The following GRID2IP variants were observed in gnomAD, a reference collection of about 807,000 sequenced individuals.
GRID2IP encodes the protein delphilin.
A neutral mutation model predicts 114.3 loss-of-function variants in GRID2IP; 78 were observed. The observed-to-expected ratio is 0.68, with a 90% CI of 0.57 to 0.82. The LOEUF (loss-of-function observed/expected upper bound fraction) is 0.82. Ranked by LOEUF, GRID2IP falls within the 40% of genes least tolerant of loss-of-function variation. The pLI is 0.00. For missense variants in GRID2IP, 1,727 were observed against 1,678.5 expected (o/e 1.03, Z -0.51); for synonymous variants, 809 against 724.0 (o/e 1.12, Z -1.89).
chr7:6,539,097 A>G (rs1002163698), intron 2 of GRID2IP, among the ~76,000 whole-genome samples: 28 of 151,038 alleles, frequency 1.9e-4, no homozygotes, highest in African/African-American at 6.6e-4. Flanking sequence ...GATTTTTACA[A>G]TCTAGGTTTT....
At position 6,509,530 on chromosome 7, in the gene GRID2IP, AG is replaced by A. The variant is rs1583337075; in HGVS notation, c.1772-218del. 2.0e-5 allele frequency among the ~76,000 whole-genome samples: 3 copies of A among 152,292 alleles called. No individual in the cohort carries two copies. The East Asian group carries it at 5.8e-4, about 29-fold the overall frequency. On this transcript the variant is annotated intron_variant, in intron 11 of 21. Coordinates refer to ENST00000457091, the MANE Select transcript of GRID2IP (RefSeq NM_001145118.2). This position sits in a 1 kb window ranked among gnomAD's most constrained non-coding sequence, Gnocchi z 4.9. ...CAGGAGCACTGCTCGGCCTCAGGAC[AG>A]GCTGGACGCCAGCTCACCTTGGAAT...
At chr7:6,527,049 C>T (rs1779528480) in intron 2 of GRID2IP, among the ~76,000 whole-genome samples, 1 of 152,052 alleles carries the variant, frequency 6.6e-6, no homozygotes, top group African/African-American at 2.4e-5. Flanking sequence ...CTGCAGGGCC[C>T]GAGCCCCTCA....
In GRID2IP at chr7:6,507,638, A is replaced by G. The variant is rs764510737; in HGVS notation, c.2544+347T>C. 4.0e-4 allele frequency among the ~76,000 whole-genome samples: 61 copies of G among 152,240 alleles called. No homozygotes were observed. Among genetic ancestry groups the G allele is most frequent in the South Asian group, 6.2e-4 (3 of 4,832 alleles). ...GTGTTGTGAGGGAGGAACTTCAAGC[A>G]TCAAAGTGAAAGGGTGAAGGCTGGT... On this transcript the variant is annotated intron_variant, in intron 13 of 21. Transcript: ENST00000457091. This position sits in a 1 kb window ranked among gnomAD's most constrained non-coding sequence, Gnocchi z 5.3.
chr7:6,529,863 C>G (rs1779583418), intron 2 of GRID2IP, among the ~76,000 whole-genome samples: 2 of 152,130 alleles, frequency 1.3e-5, no homozygotes, highest in South Asian at 4.1e-4. Context: ...GTTCTGTTCT[C>G]TCTGCCAGAG....
intron 1 of GRID2IP, among the ~76,000 whole-genome samples, chr7:6,540,412 A>G (rs1462056917): frequency 6.6e-6 from 1 of 151,974 alleles, no homozygotes. Flanking sequence ...GCGGCCGGCC[A>G]TATCATGCCA....
At chr7:6,522,417 C>T (rs1036433535) in intron 4 of GRID2IP, among the ~76,000 whole-genome samples, 1 of 152,068 alleles carries the variant, frequency 6.6e-6, no homozygotes, top group Non-Finnish European at 1.5e-5. Context: ...AGTCCCTGCT[C>T]CATACACTGT....
intron 2 of GRID2IP, among the ~76,000 whole-genome samples, chr7:6,535,468 C>A (rs1198331792): frequency 1.3e-5 from 2 of 152,216 alleles, no homozygotes; most frequent in Admixed American, 6.5e-5. Flanking sequence ...GAGGCCACAC[C>A]TCTCTGATTT....
chr7:6,529,957 C>T (rs1779585943), intron 2 of GRID2IP, among the ~76,000 whole-genome samples: 1 of 93,968 alleles, frequency 1.1e-5, no homozygotes, highest in Admixed American at 1.1e-4. Flanking sequence ...CTCTCTCTCT[C>T]TCTCTTTTTT....
chr7:6,531,447 C>A (rs1270252065), intron 2 of GRID2IP, among the ~76,000 whole-genome samples: 1 of 152,250 alleles, frequency 6.6e-6, no homozygotes, highest in Non-Finnish European at 1.5e-5. Context: ...CGGACCCCCA[C>A]ACAGTGGCGA....
At chr7:6,513,451 C>G (rs2115061292) in intron 8 of GRID2IP, among the ~76,000 whole-genome samples, 1 of 151,430 alleles carries the variant, frequency 6.6e-6, no homozygotes, top group African/African-American at 2.4e-5. Context: ...AGCTCCTGAG[C>G]TCAAGTGATG....
In GRID2IP at chr7:6,514,424, C is replaced by A; in HGVS notation, c.1374G>T (p.Glu458Asp). ...AGCATGCGATTTTCTCCTGACAGAG[C>A]TCCTGCTCCTCATAGGTCAGCAGCT... is the stretch of plus-strand genomic sequence containing the variant. ...IYQLLTYEEQ[E>D]LCQEKIACFL... Residue 458 changes from glutamate to aspartate, a missense_variant, in exon 8 of 22, where the codon GAG becomes GAT. Glu to Asp is a conservative substitution (Grantham distance 45). Transcript: ENST00000457091. 6.5e-7 allele frequency: 1 copy of A among 1,548,538 alleles called. No individual in the cohort carries two copies.
chr7:6,525,362 C>A (rs1779489262), intron 4 of GRID2IP, among the ~76,000 whole-genome samples: 1 of 152,096 alleles, frequency 6.6e-6, no homozygotes, highest in Admixed American at 6.5e-5. Flanking sequence ...TGGCTCACGC[C>A]TGTACTCCCA....
intron 2 of GRID2IP, among the ~76,000 whole-genome samples, chr7:6,531,662 C>A (rs888485635): frequency 6.6e-6 from 1 of 152,218 alleles, no homozygotes; most frequent in Non-Finnish European, 1.5e-5. Context: ...TCATGCCTGG[C>A]TAATTATCGG....
chr7:6,544,183 G>A (rs1429520914), intron 1 of GRID2IP, among the ~76,000 whole-genome samples: 2 of 152,146 alleles, frequency 1.3e-5, no homozygotes, highest in African/African-American at 4.8e-5. Context: ...TGTGAAGTCA[G>A]GCTCCTTGCC....
chr7:6,503,281 G>C lies in GRID2IP; in HGVS notation c.2908-118C>G, dbSNP rs1786470828. Reference sequence around the variant, plus strand: ...GCTGCTTCGGCCCGATATTCCGGTAGGAAGAATAAGCACGATCCCTGGGGG... The same window carrying C: ...GCTGCTTCGGCCCGATATTCCGGTACGAAGAATAAGCACGATCCCTGGGGG... On this transcript the variant is annotated intron_variant, in intron 16 of 21. Transcript: ENST00000457091. 4.3e-6 allele frequency: 5 copies of C among 1,161,730 alleles called. No individual in the cohort carries two copies. In the Admixed American group the frequency reaches 1.4e-4, roughly 33 times the overall value. The allele number at this position is 1,161,730 out of a possible 1,614,324, so 72.0% of individuals were successfully genotyped here. A position where few individuals can be genotyped will look rare whatever the true frequency, so the allele number is the denominator to read the frequency against.
At position 6,514,452 on chromosome 7, in the gene GRID2IP, T is replaced by C. The variant is rs751506577; in HGVS notation, c.1346A>G (p.Tyr449Cys). The C allele has an allele frequency of 1.3e-6, 2 of 1,550,116 alleles. No individual in the cohort carries two copies. The highest frequency in any genetic ancestry group is 2.4e-5 in the South Asian group (2 of 83,960). The stretch of plus-strand genomic sequence containing the variant: ...CTGCTCCTCATAGGTCAGCAGCTGG[T>C]AGATGAACTGCCACAGGACCTGCTT... ...PAKQVLWQFI[Y>C]QLLTYEEQEL... is the part of the protein sequence containing the mutation. The change falls in exon 8 of 22, where the codon TAC becomes TGC. Residue 449 changes from tyrosine (Y) to cysteine (C), a missense_variant. Physicochemically the swap from Tyr to Cys is radical, Grantham distance 194. Coordinates refer to ENST00000457091, the MANE Select transcript of GRID2IP (RefSeq NM_001145118.2).
rs1779682844 is a variant in GRID2IP, at chr7:6,534,069, G to A, written c.584+5649C>T. Among the ~76,000 whole-genome samples, 1 of 152,090 alleles carries A rather than the reference G, an allele frequency of 6.6e-6. No individual in the cohort carries two copies. The highest frequency in any genetic ancestry group is 2.4e-5 in the African/African-American group (1 of 41,416). On this transcript the variant is annotated intron_variant, in intron 2 of 21. Transcript: ENST00000457091. The surrounding 1 kb of genome is among the most constrained non-coding windows in gnomAD (Gnocchi z 4.5). ...TCTCAACTCACCTTTCCTGCTTTCAGTTGGCCAAGTTCATTTACATGGTTT... is the reference window on the plus strand; with the variant it reads ...TCTCAACTCACCTTTCCTGCTTTCAATTGGCCAAGTTCATTTACATGGTTT...
At position 6,508,211 on chromosome 7, in the gene GRID2IP, C is replaced by T; in HGVS notation, c.2318G>A (p.Ser773Asn). 2 of 1,271,530 alleles carry T rather than the reference C, an allele frequency of 1.6e-6. No homozygotes were observed. Among genetic ancestry groups the T allele is most frequent in the Non-Finnish European group, 2.0e-6 (2 of 984,856 alleles). 78.8% of individuals were successfully genotyped at this position (1,271,530 alleles called of 1,614,324 possible). A position where few individuals can be genotyped will look rare whatever the true frequency, so the allele number is the denominator to read the frequency against. ...AGCAGGGCCCCGGGAACCATCAGAG[C>T]TGCGGGAGCTGGGCTTAGCGTCATG... ...PFHDAKPSSR[S>N]SDGSRGPAQA... is the part of the protein sequence containing the mutation. The change falls in exon 13 of 22, where the codon AGC becomes AAC. Residue 773 changes from serine to asparagine, a missense_variant. Transcript: ENST00000457091. The surrounding 1 kb of genome is among the most constrained non-coding windows in gnomAD (Gnocchi z 5.6).
chr7:6,522,807 A>ATGTGTGTG (rs72277817), intron 4 of GRID2IP, among the ~76,000 whole-genome samples: 5,599 of 147,632 alleles, frequency 0.038, 236 homozygotes, highest in East Asian at 0.1. Context: ...CCTGGCTAAT[A>ATGTGTGTG]TGTGTGTGTG....
Sources: allele counts gnomAD v4.1 joint callset (sites outside exome capture counted in the v4.1 genomes callset), GRCh38; gene constraint gnomAD v4.1.1; non-coding constraint Gnocchi (gnomAD v3.1); transcripts MANE v1.5; gene names NCBI Gene and HGNC (gene_info 2026-07-23, HGNC 2026-07-21).